ACER3: variants seen among roughly 807,000 people sequenced by gnomAD.
ACER3 encodes the protein alkCDase 3.
In ACER3, 16 loss-of-function variants were observed where a neutral mutation model predicts 48.9. That is an observed-to-expected ratio of 0.33 (90% CI 0.22 to 0.50). The LOEUF is 0.50. Among genes scored for constraint, ACER3 ranks in the 20% least tolerant of loss-of-function variants. ACER3 has a pLI of 0.98. For synonymous variants in ACER3, 109 were observed against 107.8 expected (o/e 1.01, Z -0.07); for missense variants, 227 against 326.0 (o/e 0.70, Z 2.34).
intron 1 of ACER3, among the ~76,000 whole-genome samples, chr11:76,913,520 T>A (rs1484961480): frequency 2.8e-5 from 4 of 141,406 alleles, no homozygotes; most frequent in Non-Finnish European, 6.5e-5. Flanking sequence ...CATAAATAGT[T>A]CTTATTATTT....
At position 76,889,431 on chromosome 11, in the gene ACER3, C is replaced by G. The variant is rs1157974707; in HGVS notation, c.103+28352C>G. 2.6e-5 allele frequency among the ~76,000 whole-genome samples: 4 copies of G among 151,970 alleles called. No individual in the cohort carries two copies. In the East Asian group the frequency reaches 7.7e-4, roughly 29 times the overall value. The stretch of plus-strand genomic sequence containing the variant: ...CTGTCACATTGCTTAATAGCTATTT[C>G]TTTGTTTTCTTTTAGCCAAGGGTTT... On this transcript the variant is annotated intron_variant, in intron 1 of 10. Coordinates refer to ENST00000532485, the MANE Select transcript of ACER3 (RefSeq NM_018367.7).
chr11:76,959,902 C>A (rs1947943993), intron 3 of ACER3, among the ~76,000 whole-genome samples: 1 of 151,998 alleles, frequency 6.6e-6, no homozygotes, highest in African/African-American at 2.4e-5. Context: ...AGATTGGACA[C>A]CCCTGCAGAG....
chr11:76,904,429 C>G (rs603610), intron 1 of ACER3, among the ~76,000 whole-genome samples: 61,609 of 151,906 alleles, frequency 0.41, 14,595 homozygotes, highest in African/African-American at 0.65. Flanking sequence ...TGCCACCCCC[C>G]ATAAAGATGT....
intron 1 of ACER3, among the ~76,000 whole-genome samples, chr11:76,876,998 G>T (rs1003610395): frequency 1.3e-5 from 2 of 152,252 alleles, no homozygotes; most frequent in African/African-American, 4.8e-5. Context: ...TTGATTTTCT[G>T]TTGTGAAAAC....
chr11:76,928,239 T>C (rs1457610907), intron 2 of ACER3, among the ~76,000 whole-genome samples: 1 of 152,224 alleles, frequency 6.6e-6, no homozygotes, highest in Non-Finnish European at 1.5e-5. Flanking sequence ...TCATGTGTTT[T>C]TGGGCTGCAT....
chr11:76,934,014 G>A (rs1376328972), intron 2 of ACER3, among the ~76,000 whole-genome samples: 2 of 151,942 alleles, frequency 1.3e-5, no homozygotes, highest in African/African-American at 2.4e-5. Context: ...CAGACGGGGC[G>A]GCGGGGCAGA....
chr11:76,928,977 G>A (rs1203151197), intron 2 of ACER3, among the ~76,000 whole-genome samples: 5 of 152,258 alleles, frequency 3.3e-5, no homozygotes, highest in East Asian at 1.9e-4. Context: ...CTTTAAAGTA[G>A]GTTTTTCCAA....
At chr11:76,960,996 G>C (rs1451519246) in intron 3 of ACER3, among the ~76,000 whole-genome samples, 1 of 152,112 alleles carries the variant, frequency 6.6e-6, no homozygotes, top group Non-Finnish European at 1.5e-5. Flanking sequence ...CCCAGTGCAG[G>C]ATCTGAGAGC....
chr11:76,946,598 T>TG (rs1470402716), intron 2 of ACER3, among the ~76,000 whole-genome samples: 3 of 152,150 alleles, frequency 2.0e-5, no homozygotes, highest in Non-Finnish European at 4.4e-5. Context: ...CTAGAGGCTC[T>TG]GGAGAGTGTG....
chr11:77,020,182 C>A, intron 10 of ACER3, 92 bp from the exon 11 acceptor site: 1 of 1,352,608 alleles, frequency 7.4e-7, no homozygotes, highest in African/African-American at 1.4e-5. Flanking sequence ...TACGTATAGT[C>A]ATAGCCCCAT....
intron 1 of ACER3, among the ~76,000 whole-genome samples, chr11:76,880,828 C>CAT (rs201974544): frequency 8.6e-5 from 13 of 151,752 alleles, no homozygotes; most frequent in South Asian, 2.1e-4. Context: ...TGGATGAAAA[C>CAT]ATATATATAT....
chr11:77,011,411 C>G (rs1949261671), intron 7 of ACER3: 3 of 978,060 alleles, frequency 3.1e-6, no homozygotes. Flanking sequence ...AGATAGCACC[C>G]TACCCCCACT....
intron 2 of ACER3, among the ~76,000 whole-genome samples, chr11:76,939,063 A>G (rs1947270233): frequency 6.6e-6 from 1 of 152,228 alleles, no homozygotes; most frequent in African/African-American, 2.4e-5. Context: ...AATAACAGTA[A>G]TAGATTTTAA....
chr11:77,008,308 G>A (rs1555021451), intron 7 of ACER3, among the ~76,000 whole-genome samples: 2 of 152,128 alleles, frequency 1.3e-5, no homozygotes, highest in African/African-American at 4.8e-5. Flanking sequence ...GACCCCTTAG[G>A]TAAATATAAA....
Position 77,023,188 on chromosome 11 carries a change from T to C in ACER3, c.*2861T>C, listed in dbSNP as rs1166570730. ...AGGAAAAACATGTTTTTAAATAATC[T>C]ACAAATGAGAACCCAAATAGTAGTG... On this transcript the variant is annotated 3_prime_UTR_variant, in exon 11 of 11. Transcript: ENST00000532485. 3 of 398,408 alleles carry C rather than the reference T, an allele frequency of 7.5e-6. No homozygotes were observed. Among genetic ancestry groups the C allele is most frequent in the Admixed American group, 4.4e-5 (1 of 22,720 alleles). The allele number at this position is 398,408 out of a possible 1,614,324, so 24.7% of individuals were successfully genotyped here. A position where few individuals can be genotyped will look rare whatever the true frequency, so the allele number is the denominator to read the frequency against.
intron 5 of ACER3, 31 bp downstream of exon 5, chr11:76,985,755 G>A (rs753997229): frequency 3.8e-6 from 5 of 1,299,386 alleles, no homozygotes; most frequent in Non-Finnish European, 5.3e-6. Flanking sequence ...AACAGATTAA[G>A]CATGTAAATT....
chr11:76,963,900 C>T (rs756071045), intron 3 of ACER3, among the ~76,000 whole-genome samples: 17 of 151,424 alleles, frequency 1.1e-4, no homozygotes, highest in South Asian at 4.1e-4. Context: ...ACACAGAAGA[C>T]GGGTGACTTC....
In ACER3 at chr11:77,025,392, T is replaced by TTATATATATATATATA. The variant is rs149589077; in HGVS notation, c.*5069_*5084dup. The stretch of plus-strand genomic sequence containing the variant: ...TGGTTATTTTATTTTATTTTATTCT[T>TTATATATATATATATA]TATATATATATATATATATTTATTT... On this transcript the variant is annotated 3_prime_UTR_variant, in exon 11 of 11. Transcript: ENST00000532485. The TTATATATATATATATA allele has an allele frequency of 1.7e-4, 23 of 135,832 alleles. No individual in the cohort carries two copies. The highest frequency in any genetic ancestry group is 5.3e-4 in the African/African-American group (17 of 32,292). The allele number at this position is 135,832 out of a possible 1,614,324, so 8.4% of individuals were successfully genotyped here. A position where few individuals can be genotyped will look rare whatever the true frequency, so the allele number is the denominator to read the frequency against.
chr11:76,874,403 T>A (rs79783363), intron 1 of ACER3, among the ~76,000 whole-genome samples: 1 of 148,394 alleles, frequency 6.7e-6, no homozygotes, highest in Non-Finnish European at 1.5e-5. Flanking sequence ...AAAAATAAGT[T>A]AAAAAAAAAA....
Sources: gnomAD v4.1 joint callset for allele counts (sites outside exome capture counted in the v4.1 genomes callset) on GRCh38, gnomAD v4.1.1 for gene constraint, MANE v1.5 for transcripts, NCBI Gene and HGNC (gene_info 2026-07-23, HGNC 2026-07-21) for gene names.